The following DMD variants were observed in gnomAD, a reference collection of about 807,000 sequenced individuals.
DMD encodes mutant dystrophin.
DMD carries 63 observed loss-of-function variants against 330.1 expected under a neutral mutation model. The observed-to-expected ratio is 0.19, with a 90% CI of 0.16 to 0.24. The LOEUF (loss-of-function observed/expected upper bound fraction) is 0.24, where lower values mean the gene tolerates loss of function less well. Among genes scored for constraint, DMD ranks in the 10% least tolerant of loss-of-function variants. DMD has a pLI of 1.00. For missense variants in DMD, 3,344 were observed against 2,684.1 expected, an observed-to-expected ratio of 1.25 and a Z score of -5.43; for synonymous variants, 1,223 against 959.8, an observed-to-expected ratio of 1.27 and a Z score of -5.07.
intron 61 of DMD, among the ~76,000 whole-genome samples, chrX:31,335,445 C>T (rs908824401): frequency 8.9e-6 from 1 of 112,073 alleles, no homozygotes; most frequent in African/African-American, 3.2e-5. Flanking sequence ...GTAATGCAGG[C>T]CCTATGCCCT....
chrX:31,461,932 G>A (rs1017531288), intron 59 of DMD, among the ~76,000 whole-genome samples: 1 of 111,183 alleles, frequency 9.0e-6, no homozygotes, highest in Admixed American at 9.6e-5. Flanking sequence ...GAGCCCCCTA[G>A]CCCAGGAAGT....
chrX:32,565,735 A>G lies in DMD; in HGVS notation c.1959T>C (p.Asn653=), dbSNP rs770238198. The part of the protein sequence containing the change: ...WLDNFARCWD[N]LVQKLEKSTA... ...TACTCTTTTCAAGTTTTTGGACTAAATTATCCCAACACCGGGCAAAGTTAT... is the reference window on the plus strand; with the variant it reads ...TACTCTTTTCAAGTTTTTGGACTAAGTTATCCCAACACCGGGCAAAGTTAT... Residue 653 remains asparagine (N), a synonymous_variant, in exon 16 of 79, where the codon AAT becomes AAC. Transcript: ENST00000357033. The G allele has an allele frequency of 1.2e-5, 14 of 1,211,689 alleles. No individual in the cohort carries two copies. The highest frequency in any genetic ancestry group is 1.6e-5 in the Non-Finnish European group (14 of 895,450).
At chrX:32,463,683 C>A (rs1441629335) in intron 24 of DMD, 89 bp from the exon 25 acceptor site, 3 of 828,646 alleles carry the variant, frequency 3.6e-6, no homozygotes, top group African/African-American at 4.2e-5. Flanking sequence ...AAAATTGGGA[C>A]TGATGGCATT....
At chrX:32,562,363 T>C (rs1465844277) in intron 16 of DMD, among the ~76,000 whole-genome samples, 2 of 112,579 alleles carry the variant, frequency 1.8e-5, no homozygotes, top group Non-Finnish European at 3.7e-5. Flanking sequence ...CACGTTTTGA[T>C]CTCTTGCCAT....
chrX:33,128,214 G>A, intron 1 of DMD: 1 of 1,191,374 alleles, frequency 8.4e-7, no homozygotes. Flanking sequence ...AAAGCTTTTT[G>A]CTGATTTCCC....
In DMD at chrX:32,411,649, C is replaced by T; in HGVS notation, c.4233+103G>A. On this transcript the variant is annotated intron_variant, in intron 30 of 78. Coordinates refer to ENST00000357033, the MANE Select transcript of DMD (RefSeq NM_004006.3). ...AGTCAAATCAGTGAATCAAAACAAC[C>T]CCATGGAAAACTAGTTGAATAAATT... The T allele has an allele frequency of 4.1e-6, 4 of 972,595 alleles. No individual in the cohort carries two copies. In the South Asian group the frequency reaches 6.0e-5, roughly 15 times the overall value. 80.2% of individuals were successfully genotyped at this position (972,595 alleles called of 1,213,427 possible).
At chrX:31,130,406 A>T (rs910364159) in intron 77 of DMD, among the ~76,000 whole-genome samples, 1 of 112,073 alleles carries the variant, frequency 8.9e-6, no homozygotes, top group Admixed American at 9.4e-5. Context: ...GGAAGAGATT[A>T]GAGATAGACA....
chrX:32,154,160 C>G (rs1319766923), intron 44 of DMD, among the ~76,000 whole-genome samples: 1 of 111,076 alleles, frequency 9.0e-6, no homozygotes, highest in African/African-American at 3.3e-5. Context: ...TATTAAAACA[C>G]AGCATACACC....
At chrX:31,257,814 G>A (rs1462699270) in intron 63 of DMD, among the ~76,000 whole-genome samples, 1 of 111,861 alleles carries the variant, frequency 8.9e-6, no homozygotes, top group Non-Finnish European at 1.9e-5. Flanking sequence ...GTATGGTGGC[G>A]GGTGCCTAGT....
At chrX:32,043,693 T>G (rs2096031069) in intron 44 of DMD, among the ~76,000 whole-genome samples, 2 of 111,536 alleles carry the variant, frequency 1.8e-5, no homozygotes, top group Non-Finnish European at 1.9e-5. Context: ...AGAGAAAAAT[T>G]AACTGAGGCT....
intron 47 of DMD, among the ~76,000 whole-genome samples, chrX:31,906,630 T>C (rs2094481894): frequency 8.9e-6 from 1 of 112,271 alleles, no homozygotes; most frequent in African/African-American, 3.2e-5. Context: ...ATTCTATTAT[T>C]GACATCATAA....
chrX:31,444,476 C>T lies in DMD; in HGVS notation c.9084+5G>A. ...AAAGGACAACAATGTTTACAATGTG[C>T]TTACCTGCAGAAGCTTCCATCTGGT... On this transcript the variant is annotated splice_donor_5th_base_variant and intron_variant, in intron 60 of 78. Transcript: ENST00000357033. 1 of 1,211,028 alleles carries T rather than the reference C, an allele frequency of 8.3e-7. No individual in the cohort carries two copies. Among genetic ancestry groups the T allele is most frequent in the Non-Finnish European group, 1.1e-6 (1 of 894,970 alleles).
At chrX:32,789,106 C>CAATA (rs2075632162) in intron 7 of DMD, among the ~76,000 whole-genome samples, 1 of 111,974 alleles carries the variant, frequency 8.9e-6, no homozygotes. Flanking sequence ...GTCCGTGAAG[C>CAATA]AATAAATAGA....
intron 60 of DMD, among the ~76,000 whole-genome samples, chrX:31,351,175 C>CACACACAT (rs992343667): frequency 2.7e-5 from 3 of 110,954 alleles, no homozygotes; most frequent in African/African-American, 9.9e-5. Flanking sequence ...CACACACACA[C>CACACACAT]ACACATATAC....
intron 50 of DMD, among the ~76,000 whole-genome samples, chrX:31,801,720 C>T (rs2092077201): frequency 9.1e-6 from 1 of 110,426 alleles, no homozygotes; most frequent in Non-Finnish European, 1.9e-5. Flanking sequence ...GTTTTTATTT[C>T]TCAATTATAC....
At chrX:32,462,149 C>T (rs2098385704) in intron 25 of DMD, among the ~76,000 whole-genome samples, 1 of 111,153 alleles carries the variant, frequency 9.0e-6, no homozygotes, top group African/African-American at 3.3e-5. Flanking sequence ...CATACCAAGA[C>T]CTCCAATAGA....
intron 44 of DMD, among the ~76,000 whole-genome samples, chrX:32,143,201 T>C (rs2096761838): frequency 9.0e-6 from 1 of 111,717 alleles, no homozygotes; most frequent in African/African-American, 3.3e-5. Flanking sequence ...TGGAATTAAA[T>C]GCCATTGCTA....
At chrX:32,995,838 A>G (rs778060647) in intron 2 of DMD, among the ~76,000 whole-genome samples, 1 of 111,834 alleles carries the variant, frequency 8.9e-6, no homozygotes, top group Non-Finnish European at 1.9e-5. Context: ...AAATCAACAC[A>G]ATTTTGAGTG....
At chrX:33,226,700 A>C (rs1218261935) in intron 1 of DMD, among the ~76,000 whole-genome samples, 3 of 110,688 alleles carry the variant, frequency 2.7e-5, no homozygotes, top group Non-Finnish European at 3.8e-5. Flanking sequence ...TAGTTCTGTG[A>C]CTTTACCTTA....
Sources: allele counts gnomAD v4.1 joint callset (sites outside exome capture counted in the v4.1 genomes callset), GRCh38; gene constraint gnomAD v4.1.1; transcripts MANE v1.5; gene names NCBI Gene and HGNC (gene_info 2026-07-23, HGNC 2026-07-21).